Variants in TESK2 observed in about 807,000 individuals in gnomAD.
The protein encoded by TESK2 is testis associated actin remodelling kinase 2, also known as dual specificity testis-specific protein kinase 2.
In TESK2, 39 loss-of-function variants were observed where a neutral mutation model predicts 57.1. The ratio of observed to expected loss-of-function variants is 0.68; its 90% CI spans 0.53 to 0.89. The LOEUF (loss-of-function observed/expected upper bound fraction) is 0.89. Among genes scored for constraint, TESK2 ranks in the 40% least tolerant of loss-of-function variants. The pLI is 0.00. For synonymous variants in TESK2, 249 were observed against 267.9 expected (o/e 0.93, Z 0.69); for missense variants, 646 against 732.1 (o/e 0.88, Z 1.36).
At chr1:45,489,845 T>G (rs1653646238) in intron 1 of TESK2, among the ~76,000 whole-genome samples, 1 of 152,330 alleles carries the variant, frequency 6.6e-6, no homozygotes, top group African/African-American at 2.4e-5. Flanking sequence ...AAACCAAATT[T>G]ATTACCTTCT....
chr1:45,465,714 A>C (rs1652524627), intron 1 of TESK2, among the ~76,000 whole-genome samples: 1 of 152,184 alleles, frequency 6.6e-6, no homozygotes, highest in Non-Finnish European at 1.5e-5. Context: ...ACATAAACAC[A>C]AGAGGCCTGA....
chr1:45,440,926 G>A (rs1055080888), intron 2 of TESK2, among the ~76,000 whole-genome samples: 1 of 152,032 alleles, frequency 6.6e-6, no homozygotes, highest in Non-Finnish European at 1.5e-5. Context: ...GACCTGCAAG[G>A]AACTGAATGC....
At chr1:45,381,980 C>T (rs1406990580) in intron 4 of TESK2, among the ~76,000 whole-genome samples, 1 of 150,848 alleles carries the variant, frequency 6.6e-6, no homozygotes, top group Non-Finnish European at 1.5e-5. Flanking sequence ...AAGCAATCAT[C>T]CTGTCTCAGC....
intron 3 of TESK2, among the ~76,000 whole-genome samples, chr1:45,396,716 T>C (rs1343158840): frequency 6.6e-6 from 1 of 151,574 alleles, no homozygotes; most frequent in East Asian, 1.9e-4. Flanking sequence ...CTCGAACTCC[T>C]GACCTCAGGT....
chr1:45,490,358 T>C (rs928917327), intron 1 of TESK2, among the ~76,000 whole-genome samples: 2 of 151,954 alleles, frequency 1.3e-5, no homozygotes, highest in African/African-American at 4.8e-5. Flanking sequence ...AGGGAGACGA[T>C]GACAAGCGAG....
At chr1:45,421,896 T>A (rs1650494926) in intron 2 of TESK2, 50 bp from the exon 3 acceptor site, 1 of 1,597,848 alleles carries the variant, frequency 6.3e-7, no homozygotes. Flanking sequence ...AATAGTTATA[T>A]GTGAGGTCAA....
At position 45,344,223 on chromosome 1, in the gene TESK2, T is replaced by C. The variant is rs983174009; in HGVS notation, c.*617A>G. 3 of 157,164 alleles carry C rather than the reference T, an allele frequency of 1.9e-5. No individual in the cohort carries two copies. The highest frequency in any genetic ancestry group is 7.2e-5 in the African/African-American group (3 of 41,382). The allele number at this position is 157,164 out of a possible 1,614,324, so 9.7% of individuals were successfully genotyped here. A position where few individuals can be genotyped will look rare whatever the true frequency, so the allele number is the denominator to read the frequency against. On this transcript the variant is annotated 3_prime_UTR_variant, in exon 11 of 11. Coordinates refer to ENST00000372086, the MANE Select transcript of TESK2 (RefSeq NM_007170.3). ...TAAGACTCCTTTATAAATATGAAAA[T>C]AGATTAATCAACAGGAAAAGGTCTT...
At chr1:45,452,103 G>A (rs898460500) in intron 2 of TESK2, among the ~76,000 whole-genome samples, 1 of 149,806 alleles carries the variant, frequency 6.7e-6, no homozygotes, top group Non-Finnish European at 1.5e-5. Context: ...TTTTTTTTTG[G>A]AGGGGCAAAC....
At chr1:45,448,593 T>C (rs1570741758) in intron 2 of TESK2, among the ~76,000 whole-genome samples, 1 of 149,650 alleles carries the variant, frequency 6.7e-6, no homozygotes, top group Non-Finnish European at 1.5e-5. Context: ...GAGGGGGAGG[T>C]CCCAGATTCT....
At chr1:45,384,602 T>TTATTTTTTTTTTA (rs1557551489) in intron 4 of TESK2, among the ~76,000 whole-genome samples, 1 of 119,372 alleles carries the variant, frequency 8.4e-6, no homozygotes, top group Non-Finnish European at 1.7e-5. Context: ...AATTTTTTTT[T>TTATTTTTTTTTTA]TTTTTTTTTT....
intron 2 of TESK2, among the ~76,000 whole-genome samples, chr1:45,423,613 A>G (rs2149287687): frequency 6.6e-6 from 1 of 152,028 alleles, no homozygotes; most frequent in East Asian, 1.9e-4. Context: ...ATATAGAAAG[A>G]AGTCCGTGAA....
rs71052869 is a variant in TESK2 at position 45,376,213 on chromosome 1, C to CTTT, written c.393+9696_393+9698dup. The stretch of plus-strand genomic sequence containing the variant: ...TGAGATGTGACATTTCTTTCTCTCT[C>CTTT]TTTTTTTTTTTTTTTTTTTTTTGAG... On this transcript the variant is annotated intron_variant, in intron 4 of 10. Coordinates refer to ENST00000372086, the MANE Select transcript of TESK2 (RefSeq NM_007170.3). Among the ~76,000 whole-genome samples the CTTT allele has an allele frequency of 7.8e-3, 632 of 80,652 alleles. 4 individuals are homozygous for CTTT. Among genetic ancestry groups the CTTT allele is most frequent in the East Asian group, 0.013 (36 of 2,774 alleles). The allele number at this position is 80,652 out of a possible 152,430, so 52.9% of individuals were successfully genotyped here.
chr1:45,480,856 TGC>T (rs1336673362), intron 1 of TESK2, among the ~76,000 whole-genome samples: 228 of 150,692 alleles, frequency 1.5e-3, no homozygotes, highest in African/African-American at 4.9e-3. Context: ...GGTGTGGTGG[TGC>T]ACACCTGTAA....
chr1:45,357,821 C>T (rs1265192339), intron 4 of TESK2, among the ~76,000 whole-genome samples: 1 of 150,458 alleles, frequency 6.6e-6, no homozygotes, highest in Non-Finnish European at 1.5e-5. Context: ...GCCTGACCAA[C>T]ATGGAGAAAC....
intron 2 of TESK2, among the ~76,000 whole-genome samples, chr1:45,447,056 A>G (rs1306597073): frequency 6.6e-6 from 1 of 152,164 alleles, no homozygotes; most frequent in African/African-American, 2.4e-5. Flanking sequence ...CAACTCTACA[A>G]ATAATTTTAA....
intron 3 of TESK2, among the ~76,000 whole-genome samples, chr1:45,417,153 G>T (rs1003378821): frequency 6.6e-6 from 1 of 152,106 alleles, no homozygotes; most frequent in Non-Finnish European, 1.5e-5. Context: ...TGAGTTATTT[G>T]TCTTTCTGTG....
chr1:45,378,236 C>G (rs1269390448), intron 4 of TESK2, among the ~76,000 whole-genome samples: 1 of 152,112 alleles, frequency 6.6e-6, no homozygotes, highest in Non-Finnish European at 1.5e-5. Flanking sequence ...TAAGGAAGGG[C>G]ACAGTAAGAA....
chr1:45,415,487 T>A lies in TESK2; in HGVS notation c.344+6238A>T, dbSNP rs189543757. 9 of 552,098 alleles carry A rather than the reference T, an allele frequency of 1.6e-5. No homozygotes were observed. The Admixed American group carries it at 2.5e-4, about 15-fold the overall frequency. The allele number at this position is 552,098 out of a possible 1,614,324, so 34.2% of individuals were successfully genotyped here. A position where few individuals can be genotyped will look rare whatever the true frequency, so the allele number is the denominator to read the frequency against. Reference sequence around the variant, plus strand: ...CCCTTTGGGTTCCATGTTTTCCTTGTTCCCTTCCATGCATAGCTGGATTGC... The same window carrying A: ...CCCTTTGGGTTCCATGTTTTCCTTGATCCCTTCCATGCATAGCTGGATTGC... On this transcript the variant is annotated intron_variant, in intron 3 of 10. Coordinates refer to ENST00000372086, the MANE Select transcript of TESK2 (RefSeq NM_007170.3).
At chr1:45,359,852 A>T (rs995897714) in intron 4 of TESK2, among the ~76,000 whole-genome samples, 3 of 152,190 alleles carry the variant, frequency 2.0e-5, no homozygotes, top group Non-Finnish European at 4.4e-5. Flanking sequence ...CAACAGGGTG[A>T]GACTCTGTCT....
Sources: gnomAD v4.1 joint callset for allele counts (sites outside exome capture counted in the v4.1 genomes callset) on GRCh38, gnomAD v4.1.1 for gene constraint, MANE v1.5 for transcripts, NCBI Gene and HGNC (gene_info 2026-07-23, HGNC 2026-07-21) for gene names.